GNRHR: variants seen among roughly 807,000 people sequenced by gnomAD.
GNRHR encodes gonadotropin releasing hormone receptor.
A neutral mutation model predicts 28.1 loss-of-function variants in GNRHR; 14 were observed. That is an observed-to-expected ratio of 0.50 (90% CI 0.33 to 0.78). The LOEUF is 0.78. GNRHR is among the 30% of genes least tolerant of loss of function. GNRHR has a pLI of 0.02. For synonymous variants in GNRHR, 141 were observed against 140.5 expected (o/e 1.00, Z -0.02); for missense variants, 366 against 382.1 (o/e 0.96, Z 0.35).
intron 2 of GNRHR, among the ~76,000 whole-genome samples, chr4:67,741,326 C>T (rs1731655150): frequency 6.6e-6 from 1 of 152,130 alleles, no homozygotes; most frequent in Admixed American, 6.5e-5. Context: ...TGAGTTACTT[C>T]ACTTAGAATA....
Position 67,740,532 on chromosome 4 carries a change from G to A in GNRHR, c.935C>T (p.Ala312Val), listed in dbSNP as rs1223739904. The A allele has an allele frequency of 1.2e-6, 2 of 1,606,066 alleles. No individual in the cohort carries two copies. The highest frequency in any genetic ancestry group is 2.2e-5 in the East Asian group (1 of 44,834). ...DPVNHFFFLF[A>V]FLNPCFDPLI... is the part of the protein sequence containing the mutation. ...TGGATCAAAGCATGGGTTTAAAAAG[G>A]CAAAGAGAAAGAAGAAGTGATTTAC... Residue 312 changes from alanine to valine, a missense_variant, in exon 3 of 3, where the codon GCC becomes GTC. Ala to Val is a moderately conservative substitution (Grantham distance 64). Transcript: ENST00000226413.
rs746354614 is a variant in GNRHR at position 67,740,408 on chromosome 4, T to G, written c.*72A>C. 443 of 1,101,796 alleles carry G rather than the reference T, an allele frequency of 4.0e-4. 1 individual carries two copies. The highest frequency in any genetic ancestry group is 5.8e-4 in the Non-Finnish European group (414 of 716,640). The allele number at this position is 1,101,796 out of a possible 1,614,324, so 68.3% of individuals were successfully genotyped here. A position where few individuals can be genotyped will look rare whatever the true frequency, so the allele number is the denominator to read the frequency against. ...GTATGTAAACATGCTCCAACATTTG[T>G]GTTAATCATTCCCAGATGGAGAGAT... On this transcript the variant is annotated 3_prime_UTR_variant, in exon 3 of 3. Transcript: ENST00000226413.
At chr4:67,743,392 C>G (rs993261950) in intron 2 of GNRHR, among the ~76,000 whole-genome samples, 3 of 152,098 alleles carry the variant, frequency 2.0e-5, no homozygotes, top group Non-Finnish European at 4.4e-5. Flanking sequence ...GCTTTTTCTT[C>G]TTTTGAAACA....
At chr4:67,750,394 G>T (rs769125723) in intron 1 of GNRHR, among the ~76,000 whole-genome samples, 78 of 152,084 alleles carry the variant, frequency 5.1e-4, no homozygotes, top group Middle Eastern at 3.4e-3. Flanking sequence ...AGGATTTTTT[G>T]TACTGTATTT....
At chr4:67,751,374 A>G (rs1208380920) in intron 1 of GNRHR, among the ~76,000 whole-genome samples, 3 of 152,218 alleles carry the variant, frequency 2.0e-5, no homozygotes, top group African/African-American at 7.2e-5. Flanking sequence ...AAATATCAGC[A>G]TTACTTATGT....
chr4:67,746,037 C>T (rs1362047254), intron 1 of GNRHR, among the ~76,000 whole-genome samples: 1 of 151,904 alleles, frequency 6.6e-6, no homozygotes, highest in Admixed American at 6.6e-5. Flanking sequence ...AAAATTAAAC[C>T]GGGATAACTT....
Position 67,754,272 on chromosome 4 carries a change from GGAT to G in GNRHR, c.61_63del (p.Ile21del), listed in dbSNP as rs752791044. The G allele has an allele frequency of 2.2e-5, 35 of 1,612,122 alleles. No homozygotes were observed. Among genetic ancestry groups the G allele is most frequent in the Non-Finnish European group, 3.0e-5 (35 of 1,178,550 alleles). ...GTGGGGAGGTTGCCCTGCATCAGTG[GGAT>G]GCTGTTGTTGATGGCTGAACAGTGA... On this transcript the variant is annotated inframe_deletion, in exon 1 of 3. Transcript: ENST00000226413.
Position 67,753,508 on chromosome 4 carries a change from T to G in GNRHR, c.522+306A>C, listed in dbSNP as rs142782238. The G allele has an allele frequency of 3.0e-3, 833 of 276,862 alleles. 3 individuals are homozygous for G. Among genetic ancestry groups the G allele is most frequent in the African/African-American group, 0.014 (663 of 45,772 alleles). 17.2% of individuals were successfully genotyped at this position (276,862 alleles called of 1,614,324 possible). A position where few individuals can be genotyped will look rare whatever the true frequency, so the allele number is the denominator to read the frequency against. ...TCAAGTTTGAGAATCGCATTTTTTT[T>G]GGGGAAGCATTTGCTACATAATAGA... On this transcript the variant is annotated intron_variant, in intron 1 of 2. Coordinates refer to ENST00000226413, the MANE Select transcript of GNRHR (RefSeq NM_000406.3).
chr4:67,754,065 T>G lies in GNRHR; in HGVS notation c.271A>C (p.Thr91Pro), dbSNP rs746578005. 5.6e-6 allele frequency: 9 copies of G among 1,614,058 alleles called. No individual in the cohort carries two copies. The highest frequency in any genetic ancestry group is 7.6e-6 in the Non-Finnish European group (9 of 1,179,984). Residue 91 changes from threonine (T) to proline (P), a missense_variant, in exon 1 of 3, where the codon ACT (threonine) becomes CCT (proline). By Grantham distance (38) the Thr-to-Pro change is conservative (BLOSUM62 -1). Coordinates refer to ENST00000226413, the MANE Select transcript of GNRHR (RefSeq NM_000406.3). The part of the protein sequence containing the change: ...KHLTLANLLE[T>P]LIVMPLDGMW... Reference sequence around the variant, plus strand: ...CCATCCAGTGGCATGACAATCAGAGTCTCCAACAGGTTGGCTAAGGTCAGA... The same window carrying G: ...CCATCCAGTGGCATGACAATCAGAGGCTCCAACAGGTTGGCTAAGGTCAGA...
In GNRHR at chr4:67,744,617, A is replaced by G. The variant is rs776888735; in HGVS notation, c.693T>C (p.Asn231=). 3 of 1,613,582 alleles carry G rather than the reference A, an allele frequency of 1.9e-6. No homozygotes were observed. The Admixed American group carries it at 5.0e-5, about 27-fold the overall frequency. Residue 231 remains asparagine, a synonymous_variant, in exon 2 of 3, where the codon AAT becomes AAC. Transcript: ENST00000226413. ...IIPLFIMLIC[N]AKIIFTLTRV... is the part of the protein sequence containing the mutation. ...GTGTCAGGGTGAAGATGATTTTTGC[A>G]TTGCAGATCAGCATGATGAAAAGAG...
At chr4:67,751,727 T>A (rs1310217021) in intron 1 of GNRHR, 4 of 152,242 alleles carry the variant, frequency 2.6e-5, no homozygotes, top group Non-Finnish European at 5.9e-5. Context: ...GAGTTTGCCC[T>A]TCAGTTATTA....
chr4:67,750,579 G>A (rs1333941830), intron 1 of GNRHR, among the ~76,000 whole-genome samples: 1 of 152,062 alleles, frequency 6.6e-6, no homozygotes. Flanking sequence ...CATAGCTTCT[G>A]AGGTTAATAA....
chr4:67,746,620 G>C (rs560025338), intron 1 of GNRHR, among the ~76,000 whole-genome samples: 1 of 151,806 alleles, frequency 6.6e-6, no homozygotes, highest in African/African-American at 2.4e-5. Context: ...AAGCAAATGA[G>C]GGATTCCATT....
At chr4:67,748,077 CT>C (rs1731793677) in intron 1 of GNRHR, among the ~76,000 whole-genome samples, 1 of 151,892 alleles carries the variant, frequency 6.6e-6, no homozygotes, top group Non-Finnish European at 1.5e-5. Flanking sequence ...TCTCTTGCCC[CT>C]GGCCCTGGTT....
intron 1 of GNRHR, among the ~76,000 whole-genome samples, chr4:67,752,645 T>C (rs1731891420): frequency 2.0e-5 from 3 of 150,356 alleles, no homozygotes; most frequent in Admixed American, 6.6e-5. Context: ...TCATATATTT[T>C]TCTTCAGAAA....
At chr4:67,750,950 T>C (rs1304096535) in intron 1 of GNRHR, among the ~76,000 whole-genome samples, 1 of 152,152 alleles carries the variant, frequency 6.6e-6, no homozygotes, top group Non-Finnish European at 1.5e-5. Context: ...ATATGTAACA[T>C]TAGTTATGGG....
Position 67,753,244 on chromosome 4 carries a change from TA to T in GNRHR, c.522+569del, listed in dbSNP as rs1272868299. Among the ~76,000 whole-genome samples, 92 of 152,352 alleles carry T rather than the reference TA, an allele frequency of 6.0e-4. 2 individuals are homozygous for T. In the South Asian group the frequency reaches 0.018, roughly 31 times the overall value. ...TCCAAGATGTCTTACTTTTCTTCTA[TA>T]TTCAGTCCCACTTAGCTGCAAACTG... On this transcript the variant is annotated intron_variant, in intron 1 of 2. Coordinates refer to ENST00000226413, the MANE Select transcript of GNRHR (RefSeq NM_000406.3).
Position 67,754,164 on chromosome 4 carries a change from A to C in GNRHR, c.172T>G (p.Leu58Val). 6.2e-7 allele frequency: 1 copy of C among 1,614,046 alleles called. No homozygotes were observed. Among genetic ancestry groups the C allele is most frequent in the South Asian group, 1.1e-5 (1 of 91,082 alleles). ...TTCTGTGTCCACTTCTGAAGTTTCA[A>C]CAAGAAAGAAGCATTAAAGGTCGCA... is the stretch of plus-strand genomic sequence containing the variant. ...LSATFNASFL[L>V]KLQKWTQKKE... The change falls in exon 1 of 3, where the codon TTG (leucine) becomes GTG (valine). Residue 58 changes from leucine to valine, a missense_variant. Coordinates refer to ENST00000226413, the MANE Select transcript of GNRHR (RefSeq NM_000406.3).
rs532906760 is a variant in GNRHR at position 67,747,597 on chromosome 4, T to A, written c.523-2810A>T. 5.3e-5 allele frequency among the ~76,000 whole-genome samples: 8 copies of A among 152,014 alleles called. No individual in the cohort carries two copies. In the East Asian group the frequency reaches 1.4e-3, roughly 26 times the overall value. The stretch of plus-strand genomic sequence containing the variant: ...TTGGTTCATTTGTAACTGGAAAAAA[T>A]TTATAATTAAAAAAATAAAATATGT... On this transcript the variant is annotated intron_variant, in intron 1 of 2. Coordinates refer to ENST00000226413, the MANE Select transcript of GNRHR (RefSeq NM_000406.3).
Sources: allele counts gnomAD v4.1 joint callset (sites outside exome capture counted in the v4.1 genomes callset), GRCh38; gene constraint gnomAD v4.1.1; transcripts MANE v1.5; gene names NCBI Gene and HGNC (gene_info 2026-07-23, HGNC 2026-07-21).